PRDM1: variants seen among roughly 807,000 people sequenced by gnomAD.
The protein encoded by PRDM1 is PR domain zinc finger protein 1.
Under a neutral mutation model 62.8 loss-of-function variants are expected in PRDM1, and 13 were observed. That is an observed-to-expected ratio of 0.21 (90% CI 0.13 to 0.33). The LOEUF (loss-of-function observed/expected upper bound fraction) is 0.33. PRDM1 is among the 10% of genes least tolerant of loss of function. PRDM1 has a pLI of 1.00. For synonymous variants in PRDM1, 396 were observed against 417.6 expected (o/e 0.95, Z 0.63); for missense variants, 895 against 1,058.8 (o/e 0.85, Z 2.15).
intron 1 of PRDM1, among the ~76,000 whole-genome samples, chr6:106,076,104 A>T (rs1344374997): frequency 1.3e-5 from 2 of 151,940 alleles, no homozygotes; most frequent in Non-Finnish European, 2.9e-5. Flanking sequence ...GGTATGCGCC[A>T]CTACACTTGG....
At chr6:106,087,533 A>G (rs568511365) in intron 1 of PRDM1, 5 of 232,752 alleles carry the variant, frequency 2.1e-5, no homozygotes, top group East Asian at 1.2e-4. Context: ...CTGTGGTCCA[A>G]GTGATTTCTA....
At chr6:106,072,778 C>T (rs1773539591) in intron 1 of PRDM1, among the ~76,000 whole-genome samples, 1 of 152,218 alleles carries the variant, frequency 6.6e-6, no homozygotes, top group African/African-American at 2.4e-5. Flanking sequence ...TTGAGCTGTT[C>T]TCTGGAAAGA....
Position 105,994,428 on chromosome 6 carries a change from C to T in PRDM1, c.-67+789C>T, listed in dbSNP as rs1772321078. ...AGCGACGCTTCCGCTGGAAGACGAG[C>T]GGGGACGCGTGACAGCGCGGGGATA... On this transcript the variant is annotated intron_variant, in intron 1 of 6. Transcript: ENST00000652320. This position sits in a 1 kb window ranked among gnomAD's most constrained non-coding sequence, Gnocchi z 4.1. Among the ~76,000 whole-genome samples the T allele has an allele frequency of 6.6e-6, 1 of 152,042 alleles. No individual in the cohort carries two copies. Among genetic ancestry groups the T allele is most frequent in the Non-Finnish European group, 1.5e-5 (1 of 67,990 alleles).
At chr6:106,097,349 G>T (rs1774140591) in intron 3 of PRDM1, among the ~76,000 whole-genome samples, 1 of 152,218 alleles carries the variant, frequency 6.6e-6, no homozygotes, top group African/African-American at 2.4e-5. Flanking sequence ...TCACTGTCCA[G>T]TTCCCTGTTT....
At position 106,001,761 on chromosome 6, in the gene PRDM1, G is replaced by C. The variant is rs577425717; in HGVS notation, c.-67+8122G>C. Reference sequence around the variant, plus strand: ...TATGTCTTGATATCTGATAGAGTGAGTTCCCAATTGTGTTTTTCAAAATTG... The same window carrying C: ...TATGTCTTGATATCTGATAGAGTGACTTCCCAATTGTGTTTTTCAAAATTG... On this transcript the variant is annotated intron_variant, in intron 1 of 6. Transcript: ENST00000652320. Among the ~76,000 whole-genome samples, 3 of 152,214 alleles carry C rather than the reference G, an allele frequency of 2.0e-5. No homozygotes were observed. In the East Asian group the frequency reaches 5.8e-4, roughly 29 times the overall value.
intron 1 of PRDM1, among the ~76,000 whole-genome samples, chr6:106,070,081 C>T (rs9386508): frequency 0.071 from 10,804 of 152,142 alleles, 536 homozygotes; most frequent in East Asian, 0.16. Flanking sequence ...CTAAATCAAT[C>T]TTCAAAGGCT....
At chr6:106,013,384 A>G (rs1772580457) in intron 1 of PRDM1, among the ~76,000 whole-genome samples, 1 of 150,050 alleles carries the variant, frequency 6.7e-6, no homozygotes, top group South Asian at 2.1e-4. Context: ...CTGGAGTGCA[A>G]CTGCGTGATC....
intron 2 of PRDM1, among the ~76,000 whole-genome samples, chr6:106,092,848 A>G (rs1041539328): frequency 6.6e-6 from 1 of 152,214 alleles, no homozygotes; most frequent in Admixed American, 6.5e-5. Context: ...CTAGACTTAG[A>G]ATGGATATAG....
chr6:106,066,317 C>G (rs1489790887), intron 1 of PRDM1, among the ~76,000 whole-genome samples: 1 of 152,106 alleles, frequency 6.6e-6, no homozygotes, highest in African/African-American at 2.4e-5. Flanking sequence ...GCTAGCTGAT[C>G]ATGTTTAAAT....
At chr6:106,026,692 C>T (rs761661031) in intron 1 of PRDM1, among the ~76,000 whole-genome samples, 1 of 151,858 alleles carries the variant, frequency 6.6e-6, no homozygotes, top group Non-Finnish European at 1.5e-5. Context: ...TTAGTTCAGC[C>T]CTTAGATATG....
At chr6:106,096,920 G>A (rs1476803570) in intron 3 of PRDM1, among the ~76,000 whole-genome samples, 2 of 152,176 alleles carry the variant, frequency 1.3e-5, no homozygotes, top group Non-Finnish European at 2.9e-5. Flanking sequence ...ACAGCTGCAT[G>A]ATAACAAAAA....
At chr6:106,033,254 AC>A (rs913853638) in intron 1 of PRDM1, among the ~76,000 whole-genome samples, 1 of 151,514 alleles carries the variant, frequency 6.6e-6, no homozygotes, top group African/African-American at 2.4e-5. Flanking sequence ...ATACCCCACC[AC>A]CACCTCAGCT....
chr6:106,092,742 C>G (rs1768064955), intron 2 of PRDM1, among the ~76,000 whole-genome samples: 1 of 152,124 alleles, frequency 6.6e-6, no homozygotes, highest in Admixed American at 6.5e-5. Context: ...TCCAAAGTTA[C>G]CTGGACAAGC....
At chr6:105,998,933 A>ATATATTT (rs1290453454) in intron 1 of PRDM1, among the ~76,000 whole-genome samples, 29 of 6,364 alleles carry the variant, frequency 4.6e-3, no homozygotes, top group South Asian at 6.3e-3. Context: ...ATATATATAT[A>ATATATTT]TTTTTTTTTT....
intron 1 of PRDM1, among the ~76,000 whole-genome samples, chr6:106,041,809 CTTTTTTTTTTTTT>C (rs537352355): frequency 7.7e-6 from 1 of 129,880 alleles, no homozygotes; most frequent in Non-Finnish European, 1.7e-5. Context: ...GTATTTCTTT[CTTTTTTTTTTTTT>C]TTTTTGAGAC....
rs538025005 is a variant in PRDM1 at position 106,109,314 on chromosome 6, T to C, written c.*1828T>C. ...CAGCTCTATTTTTTTTTTGCCACTT[T>C]ATGATTATGTGGTCACACCCAAGTC... is the stretch of plus-strand genomic sequence containing the variant. On this transcript the variant is annotated 3_prime_UTR_variant, in exon 7 of 7. Coordinates refer to ENST00000369096, the MANE Select transcript of PRDM1 (RefSeq NM_001198.4). 1 of 232,780 alleles carries C rather than the reference T, an allele frequency of 4.3e-6. No homozygotes were observed. Among genetic ancestry groups the C allele is most frequent in the Non-Finnish European group, 8.5e-6 (1 of 117,600 alleles). The allele number at this position is 232,780 out of a possible 1,614,324, so 14.4% of individuals were successfully genotyped here.
In PRDM1 at chr6:106,012,398, CCACATACA is replaced by C. The variant is rs574210175; in HGVS notation, c.-67+18770_-67+18777del. Among the ~76,000 whole-genome samples the C allele has an allele frequency of 9.3e-3, 1,409 of 151,306 alleles. 18 individuals are homozygous for C. The highest frequency in any genetic ancestry group is 0.032 in the African/African-American group (1,302 of 41,186). ...TTACACATACCACACACAAAACATA[CCACATACA>C]CACATACACAAAAAACATACTACAT... On this transcript the variant is annotated intron_variant, in intron 1 of 6. Transcript: ENST00000652320.
intron 1 of PRDM1, among the ~76,000 whole-genome samples, chr6:106,074,809 T>C (rs1055633651): frequency 2.0e-5 from 3 of 152,118 alleles, no homozygotes; most frequent in Non-Finnish European, 4.4e-5. Context: ...ACCCCATCTC[T>C]ACTAAAAATA....
In PRDM1 at chr6:106,106,285, T is replaced by A. The variant is rs1774486183; in HGVS notation, c.1774-86T>A. ...GTCTTGATGCTTTTCTTAAGATATT[T>A]GCATCAACACTTGAGTCTTGGAGCA... On this transcript the variant is annotated intron_variant, in intron 5 of 6. Coordinates refer to ENST00000369096, the MANE Select transcript of PRDM1 (RefSeq NM_001198.4). This position sits in a 1 kb window ranked among gnomAD's most constrained non-coding sequence, Gnocchi z 4.4. 1 of 1,515,558 alleles carries A rather than the reference T, an allele frequency of 6.6e-7. No homozygotes were observed. The highest frequency in any genetic ancestry group is 1.4e-5 in the African/African-American group (1 of 72,186). The allele number at this position is 1,515,558 out of a possible 1,614,324, so 93.9% of individuals were successfully genotyped here.
Sources: gnomAD v4.1 joint callset for allele counts (sites outside exome capture counted in the v4.1 genomes callset) on GRCh38, gnomAD v4.1.1 for gene constraint, Gnocchi (gnomAD v3.1) non-coding constraint, MANE v1.5 for transcripts, NCBI Gene and HGNC (gene_info 2026-07-23, HGNC 2026-07-21) for gene names.